Variants in CD36 observed in about 807,000 individuals in gnomAD.
The protein encoded by CD36 is platelet glycoprotein 4.
Under a neutral mutation model 55.2 loss-of-function variants are expected in CD36, and 119 were observed. The observed-to-expected ratio is 2.15, with a 90% confidence interval of 1.86 to 2.51. The LOEUF (loss-of-function observed/expected upper bound fraction) is 2.51. CD36 is among the 30% of genes most tolerant of loss of function. The probability of loss-of-function intolerance (pLI) is 0.00; values close to 1 mark genes in which losing one functional copy is unlikely to be tolerated. For missense variants in CD36, 819 were observed against 555.5 expected (o/e 1.47, Z -4.77); for synonymous variants, 186 against 193.6 (o/e 0.96, Z 0.33).
rs1373114569 is a variant in CD36, at chr7:80,674,024, T to C, written c.1296T>C (p.Ser432=). 1 of 1,612,272 alleles carries C rather than the reference T, an allele frequency of 6.2e-7. No homozygotes were observed. Among genetic ancestry groups the C allele is most frequent in the South Asian group, 1.1e-5 (1 of 90,982 alleles). ...IGDEKANMFR[S]QVTGKINLLG... ...ATGAGAAGGCAAACATGTTCAGAAG[T>C]CAAGTAACTGGAAAAATAAACCTCC... is the stretch of plus-strand genomic sequence containing the variant. The change falls in exon 14 of 15, where the codon AGT becomes AGC. Residue 432 remains serine (S), a synonymous_variant. Transcript: ENST00000447544.
At position 80,617,277 on chromosome 7, in the gene CD36, G is replaced by A. The variant is rs571088723; in HGVS notation, c.-184+14898G>A. On this transcript the variant is annotated intron_variant, in intron 1 of 13. Transcript: ENST00000309881. ...GAGAATCAGGAAAAATCACTAATGC[G>A]TACTAGGCTTAATACTTGGGTGACG... Among the ~76,000 whole-genome samples, 31 of 151,994 alleles carry A rather than the reference G, an allele frequency of 2.0e-4. No individual in the cohort carries two copies. The South Asian group carries it at 3.3e-3, about 16-fold the overall frequency.
chr7:80,652,465 A>C (rs375090843), intron 3 of CD36, among the ~76,000 whole-genome samples: 1 of 152,218 alleles, frequency 6.6e-6, no homozygotes, highest in African/African-American at 2.4e-5. Flanking sequence ...GATTCTCTGC[A>C]TAACTGTCAC....
intron 1 of CD36, among the ~76,000 whole-genome samples, chr7:80,630,079 A>T (rs2116074602): frequency 6.6e-6 from 1 of 152,174 alleles, no homozygotes; most frequent in South Asian, 2.1e-4. Flanking sequence ...TTGAATTTTA[A>T]TAGTTTGAAG....
In CD36 at chr7:80,671,152, A is replaced by G. The variant is rs757153945; in HGVS notation, c.994A>G (p.Lys332Glu). ...CTSYGVLDIS[K>E]CKEGRPVYIS... The stretch of plus-strand genomic sequence containing the variant: ...ATCATATGGTGTGCTAGACATCAGC[A>G]AATGCAAAGAAGGTGAGTAAATAAC... Residue 332 changes from lysine (K) to glutamate (E), a missense_variant, in exon 10 of 15, where the codon AAA becomes GAA. Lys to Glu is a moderately conservative substitution (Grantham distance 56, BLOSUM62 1). Transcript: ENST00000447544. 58 of 1,608,566 alleles carry G rather than the reference A, an allele frequency of 3.6e-5. No individual in the cohort carries two copies. Among genetic ancestry groups the G allele is most frequent in the Non-Finnish European group, 4.8e-5 (57 of 1,175,928 alleles).
At chr7:80,670,217 C>G (rs902780855) in intron 9 of CD36, 195 bp downstream of exon 9, 2 of 581,314 alleles carry the variant, frequency 3.4e-6, no homozygotes, top group African/African-American at 1.9e-5. Context: ...AAGCAAGAAC[C>G]ATTTTGCCTT....
In CD36 at chr7:80,674,025, C is replaced by A; in HGVS notation, c.1297C>A (p.Gln433Lys). Residue 433 changes from glutamine (Q) to lysine (K), a missense_variant, in exon 14 of 15, where the codon CAA (glutamine) becomes AAA (lysine). Physicochemically the swap from Gln to Lys is moderately conservative, Grantham distance 53. Transcript: ENST00000447544. ...GDEKANMFRS[Q>K]VTGKINLLGL... is the part of the protein sequence containing the mutation. ...TGAGAAGGCAAACATGTTCAGAAGTCAAGTAACTGGAAAAATAAACCTCCT... is the reference window on the plus strand; with the variant it reads ...TGAGAAGGCAAACATGTTCAGAAGTAAAGTAACTGGAAAAATAAACCTCCT... 6.2e-7 allele frequency: 1 copy of A among 1,612,116 alleles called. No individual in the cohort carries two copies. Among genetic ancestry groups the A allele is most frequent in the South Asian group, 1.1e-5 (1 of 90,998 alleles).
At chr7:80,637,119 G>A (rs1363331699), upstream of CD36, 1 of 151,804 alleles carries the variant, frequency 6.6e-6, no homozygotes, top group Non-Finnish European at 1.5e-5. Flanking sequence ...TTTAAAATAT[G>A]CTCTTTTAAA....
chr7:80,615,538 C>T (rs1363342526), intron 1 of CD36, among the ~76,000 whole-genome samples: 1 of 152,114 alleles, frequency 6.6e-6, no homozygotes, highest in Admixed American at 6.5e-5. Flanking sequence ...TCCATTGAAG[C>T]CCTTCTGTTA....
In CD36 at chr7:80,657,274, A is replaced by G. The variant is rs572475505; in HGVS notation, c.281+574A>G. Among the ~76,000 whole-genome samples, 85 of 151,898 alleles carry G rather than the reference A, an allele frequency of 5.6e-4. 1 individual carries two copies. Among genetic ancestry groups the G allele is most frequent in the African/African-American group, 2.0e-3 (82 of 41,166 alleles). On this transcript the variant is annotated intron_variant, in intron 4 of 14. Transcript: ENST00000447544. ...AGTTTTACAAATCCTGGGTGATTTG[A>G]ATACACAATTTTGAGAACCACCGTG...
intron 1 of CD36, among the ~76,000 whole-genome samples, chr7:80,615,263 T>G (rs989796545): frequency 1.3e-5 from 2 of 152,170 alleles, no homozygotes; most frequent in African/African-American, 4.8e-5. Flanking sequence ...AAGTACAAAC[T>G]CGTATCCTGT....
chr7:80,676,331 G>A (rs1274063921), intron 14 of CD36, 53 bp from the exon 15 acceptor site: 1 of 152,048 alleles, frequency 6.6e-6, no homozygotes, highest in Non-Finnish European at 1.5e-5. Flanking sequence ...AAAAAACCCA[G>A]CAGCTTTTAA....
intron 1 of CD36, among the ~76,000 whole-genome samples, chr7:80,602,574 A>G (rs1265373892): frequency 6.6e-6 from 1 of 152,088 alleles, no homozygotes; most frequent in Non-Finnish European, 1.5e-5. Context: ...TTTGCTTTTT[A>G]ACCCTTAAAC....
chr7:80,623,592 C>G (rs965307899), intron 1 of CD36, among the ~76,000 whole-genome samples: 1 of 152,052 alleles, frequency 6.6e-6, no homozygotes, highest in African/African-American at 2.4e-5. Context: ...TTGCTTAATT[C>G]TTTCATATTG....
intron 1 of CD36, among the ~76,000 whole-genome samples, chr7:80,632,135 T>C (rs1217532992): frequency 2.0e-5 from 3 of 151,914 alleles, no homozygotes; most frequent in Non-Finnish European, 2.9e-5. Context: ...GATTTCACTA[T>C]AGGATTTGAT....
chr7:80,648,108 C>A (rs1795308296), intron 3 of CD36, among the ~76,000 whole-genome samples: 2 of 151,964 alleles, frequency 1.3e-5, no homozygotes, highest in East Asian at 1.9e-4. Context: ...AATTAGTATC[C>A]CCTGCCTTGG....
At chr7:80,644,898 T>C (rs1379546962) in intron 1 of CD36, among the ~76,000 whole-genome samples, 4 of 152,182 alleles carry the variant, frequency 2.6e-5, no homozygotes, top group Non-Finnish European at 5.9e-5. Flanking sequence ...ACCCCATTAT[T>C]GACAAAATGT....
At chr7:80,622,350 G>T (rs1007738640) in intron 1 of CD36, among the ~76,000 whole-genome samples, 1 of 152,178 alleles carries the variant, frequency 6.6e-6, no homozygotes, top group Non-Finnish European at 1.5e-5. Context: ...GAGGGTCCCC[G>T]GCTTGCAAAG....
chr7:80,628,047 A>G (rs1428583932), intron 1 of CD36, among the ~76,000 whole-genome samples: 1 of 152,022 alleles, frequency 6.6e-6, no homozygotes, highest in East Asian at 1.9e-4. Context: ...TCTATTAAAC[A>G]TAAAAAAACG....
chr7:80,661,489 A>C (rs1796526586), intron 5 of CD36, among the ~76,000 whole-genome samples: 1 of 152,230 alleles, frequency 6.6e-6, no homozygotes, highest in Non-Finnish European at 1.5e-5. Context: ...GATGCTTAAG[A>C]AACAAGTACA....
Sources: gnomAD v4.1 joint callset for allele counts (sites outside exome capture counted in the v4.1 genomes callset) on GRCh38, gnomAD v4.1.1 for gene constraint, MANE v1.5 for transcripts, NCBI Gene and HGNC (gene_info 2026-07-23, HGNC 2026-07-21) for gene names.